DUSP16: variants seen among roughly 807,000 people sequenced by gnomAD.
DUSP16 encodes dual specificity protein phosphatase 16.
Under a neutral mutation model 58.3 loss-of-function variants are expected in DUSP16, and 21 were observed. The ratio of observed to expected loss-of-function variants is 0.36; its 90% CI spans 0.26 to 0.52. DUSP16 has a LOEUF of 0.52. Ranked by LOEUF, DUSP16 falls within the 20% of genes least tolerant of loss-of-function variation. The probability of loss-of-function intolerance (pLI) is 0.94; values close to 1 mark genes in which losing one functional copy is unlikely to be tolerated. For missense variants in DUSP16, 726 were observed against 819.0 expected (o/e 0.89, Z 1.39); for synonymous variants, 320 against 323.8 (o/e 0.99, Z 0.12).
intron 1 of DUSP16, among the ~76,000 whole-genome samples, chr12:12,522,883 T>G (rs576043405): frequency 6.6e-6 from 1 of 152,300 alleles, no homozygotes; most frequent in African/African-American, 2.4e-5. Context: ...AATATTTGAT[T>G]GCAAAAGTTT....
chr12:12,551,869 T>A (rs1944733482), intron 1 of DUSP16, among the ~76,000 whole-genome samples: 1 of 152,080 alleles, frequency 6.6e-6, no homozygotes, highest in Non-Finnish European at 1.5e-5. Flanking sequence ...ATTTTTGTTA[T>A]TTTTAGTAGA....
In DUSP16 at chr12:12,476,609, C is replaced by A; in HGVS notation, c.*224G>T. 2.1e-6 allele frequency: 1 copy of A among 475,656 alleles called. No individual in the cohort carries two copies. The highest frequency in any genetic ancestry group is 3.7e-6 in the Non-Finnish European group (1 of 273,036). The allele number at this position is 475,656 out of a possible 1,614,324, so 29.5% of individuals were successfully genotyped here. A position where few individuals can be genotyped will look rare whatever the true frequency, so the allele number is the denominator to read the frequency against. The stretch of plus-strand genomic sequence containing the variant: ...GGTTTTCCTCCGTCTAGGGGGGATT[C>A]TAGCATCTGCCCTTCCATTTTTGTT... On this transcript the variant is annotated 3_prime_UTR_variant, in exon 7 of 7. Transcript: ENST00000298573.
chr12:12,478,508 G>C lies in DUSP16; in HGVS notation c.816-493C>G, dbSNP rs920120902. Among the ~76,000 whole-genome samples, 9 of 152,234 alleles carry C rather than the reference G, an allele frequency of 5.9e-5. No homozygotes were observed. The East Asian group carries it at 1.7e-3, about 29-fold the overall frequency. ...CGCTTGGCTAATTTTAATTTTTAAA[G>C]TTTCTTTTGTAGAGAAAGGGTCTCA... is the stretch of plus-strand genomic sequence containing the variant. On this transcript the variant is annotated intron_variant, in intron 6 of 6. Coordinates refer to ENST00000298573, the MANE Select transcript of DUSP16 (RefSeq NM_030640.3).
At chr12:12,560,445 T>C (rs1346874268) in intron 1 of DUSP16, among the ~76,000 whole-genome samples, 1 of 152,234 alleles carries the variant, frequency 6.6e-6, no homozygotes, top group Non-Finnish European at 1.5e-5. Flanking sequence ...ATTTAGCCTA[T>C]ATTTTTACAT....
chr12:12,561,596 G>C (rs899627548), intron 1 of DUSP16, among the ~76,000 whole-genome samples: 6 of 152,200 alleles, frequency 3.9e-5, no homozygotes, highest in Non-Finnish European at 5.9e-5. Flanking sequence ...TCGGTTGGTT[G>C]GTTGAAGAAA....
At chr12:12,493,787 A>G (rs1482443349) in intron 4 of DUSP16, among the ~76,000 whole-genome samples, 1 of 152,104 alleles carries the variant, frequency 6.6e-6, no homozygotes, top group African/African-American at 2.4e-5. Flanking sequence ...GGCCACTTTG[A>G]TCACCCATTT....
chr12:12,544,698 C>G (rs543716037), intron 1 of DUSP16, among the ~76,000 whole-genome samples: 1 of 152,146 alleles, frequency 6.6e-6, no homozygotes, highest in African/African-American at 2.4e-5. Context: ...TGGTTTCATT[C>G]AGCATTTTTT....
intron 3 of DUSP16, among the ~76,000 whole-genome samples, chr12:12,517,423 C>A (rs1944169861): frequency 6.6e-6 from 1 of 152,284 alleles, no homozygotes; most frequent in South Asian, 2.1e-4. Flanking sequence ...TTCTCCCCAA[C>A]CAAAATATTT....
At chr12:12,486,417 C>T (rs1177476497) in intron 5 of DUSP16, among the ~76,000 whole-genome samples, 5 of 151,824 alleles carry the variant, frequency 3.3e-5, no homozygotes, top group Non-Finnish European at 7.4e-5. Context: ...GCCCAGGAAG[C>T]ACAACAAAGT....
At chr12:12,551,226 T>C (rs1944721148) in intron 1 of DUSP16, among the ~76,000 whole-genome samples, 1 of 151,990 alleles carries the variant, frequency 6.6e-6, no homozygotes, top group African/African-American at 2.4e-5. Flanking sequence ...ATTGGGCTGC[T>C]GGCCGTGGCT....
chr12:12,481,547 T>C (rs1353763406), intron 5 of DUSP16, among the ~76,000 whole-genome samples: 1 of 152,206 alleles, frequency 6.6e-6, no homozygotes, highest in Non-Finnish European at 1.5e-5. Flanking sequence ...AGCTATTCAA[T>C]CTCACTGCCT....
At position 12,476,271 on chromosome 12, in the gene DUSP16, CT is replaced by C. The variant is rs1463857772; in HGVS notation, c.*561del. 1 of 152,756 alleles carries C rather than the reference CT, an allele frequency of 6.5e-6. No homozygotes were observed. The highest frequency in any genetic ancestry group is 1.5e-5 in the Non-Finnish European group (1 of 68,138). The allele number at this position is 152,756 out of a possible 1,614,324, so 9.5% of individuals were successfully genotyped here. On this transcript the variant is annotated 3_prime_UTR_variant, in exon 7 of 7. Coordinates refer to ENST00000298573, the MANE Select transcript of DUSP16 (RefSeq NM_030640.3). ...TCTAAGGTAGACCTTGGCAAGGCCC[CT>C]AATGGTCCGTCCAGCAGAGTGATGC...
chr12:12,513,515 C>T (rs1944106789), intron 3 of DUSP16, among the ~76,000 whole-genome samples: 1 of 152,170 alleles, frequency 6.6e-6, no homozygotes, highest in African/African-American at 2.4e-5. Flanking sequence ...GGGCCTTGGG[C>T]AGCAAGAGCT....
chr12:12,501,365 T>C (rs964152844), intron 3 of DUSP16, among the ~76,000 whole-genome samples: 4 of 152,206 alleles, frequency 2.6e-5, no homozygotes, highest in Admixed American at 6.5e-5. Context: ...TGTGGCAAGA[T>C]TACTGAACTC....
Position 12,474,522 on chromosome 12 carries a change from C to G in DUSP16, c.*2311G>C, listed in dbSNP as rs187473682. 1 of 152,508 alleles carries G rather than the reference C, an allele frequency of 6.6e-6. No individual in the cohort carries two copies. The highest frequency in any genetic ancestry group is 2.4e-5 in the African/African-American group (1 of 41,570). 9.4% of individuals were successfully genotyped at this position (152,508 alleles called of 1,614,324 possible). ...TGCTGAAGAGAGCCAGCCACCACCC[C>G]ACCTAAAGACATCCAAGCAGCTCCA... On this transcript the variant is annotated 3_prime_UTR_variant, in exon 7 of 7. Coordinates refer to ENST00000298573, the MANE Select transcript of DUSP16 (RefSeq NM_030640.3).
rs141269948 is a variant in DUSP16, at chr12:12,477,855, C to T, written c.976G>A (p.Val326Ile). Reference protein sequence around the residue: ...LEKPNEPVPAVSEGGQKSETP... With the variant: ...LEKPNEPVPAISEGGQKSETP... ...TCGCTTTTCTGTCCACCCTCTGAGA[C>T]AGCAGGGACAGGTTCATTTGGCTTC... Residue 326 changes from valine to isoleucine, a missense_variant, in exon 7 of 7, where the codon GTC (valine) becomes ATC (isoleucine). Transcript: ENST00000298573. This position sits in a 1 kb window ranked among gnomAD's most constrained non-coding sequence, Gnocchi z 4.1. The T allele has an allele frequency of 9.9e-6, 16 of 1,614,032 alleles. No individual in the cohort carries two copies. Among genetic ancestry groups the T allele is most frequent in the Non-Finnish European group, 1.3e-5 (15 of 1,180,054 alleles).
Position 12,487,065 on chromosome 12 carries a change from T to C in DUSP16, c.654A>G (p.Lys218=), listed in dbSNP as rs1177359234. Residue 218 remains lysine (K), a synonymous_variant, in exon 5 of 7, where the codon AAA becomes AAG. Coordinates refer to ENST00000298573, the MANE Select transcript of DUSP16 (RefSeq NM_030640.3). ...CTGATTTGTCCAACCACGGCAAAAT[T>C]TTCTCACAAAAGCTGTCATTCACAG... ...RVPVNDSFCE[K]ILPWLDKSVD... is the part of the protein sequence containing the mutation. 5.6e-6 allele frequency: 9 copies of C among 1,613,960 alleles called. No homozygotes were observed. Among genetic ancestry groups the C allele is most frequent in the African/African-American group, 1.3e-5 (1 of 74,880 alleles).
chr12:12,538,398 A>C (rs572248857), intron 1 of DUSP16, among the ~76,000 whole-genome samples: 1 of 152,232 alleles, frequency 6.6e-6, no homozygotes, highest in South Asian at 2.1e-4. Flanking sequence ...ACTTCCACTT[A>C]GTCTAGTGCA....
chr12:12,502,754 T>G (rs1468520104), intron 3 of DUSP16, among the ~76,000 whole-genome samples: 1 of 152,124 alleles, frequency 6.6e-6, no homozygotes, highest in Non-Finnish European at 1.5e-5. Context: ...TTTCTCCATG[T>G]TGGTCAGGCT....
Sources: gnomAD v4.1 joint callset for allele counts (sites outside exome capture counted in the v4.1 genomes callset) on GRCh38, gnomAD v4.1.1 for gene constraint, Gnocchi (gnomAD v3.1) non-coding constraint, MANE v1.5 for transcripts, NCBI Gene and HGNC (gene_info 2026-07-23, HGNC 2026-07-21) for gene names.